The following LRIG2 variants were observed in gnomAD, a reference collection of about 807,000 sequenced individuals.
LRIG2 encodes the protein leucine-rich repeats and immunoglobulin-like domains protein 2.
Under a neutral mutation model 107.8 loss-of-function variants are expected in LRIG2, and 93 were observed. The observed-to-expected ratio is 0.86, with a 90% CI of 0.73 to 1.03. The LOEUF is 1.03. Ranked by LOEUF, LRIG2 falls within the 50% of genes least tolerant of loss-of-function variation. The pLI is 0.00. For synonymous variants in LRIG2, 471 were observed against 470.6 expected, an observed-to-expected ratio of 1.00 and a Z score of -0.01; for missense variants, 1,226 against 1,296.0, an observed-to-expected ratio of 0.95 and a Z score of 0.83.
chr1:113,094,985 T>TA (rs879556717), intron 6 of LRIG2, among the ~76,000 whole-genome samples: 2,080 of 22,078 alleles, frequency 0.094, 48 homozygotes, highest in Admixed American at 0.35. Flanking sequence ...TATATATATA[T>TA]TTTTTTTGAG....
intron 1 of LRIG2, among the ~76,000 whole-genome samples, chr1:113,081,549 T>A (rs1238811018): frequency 2.0e-5 from 3 of 152,136 alleles, no homozygotes. Context: ...AGTCTCGATC[T>A]CTTGACCTCG....
chr1:113,091,435 A>G, intron 2 of LRIG2, 52 bp downstream of exon 2: 1 of 1,188,896 alleles, frequency 8.4e-7, no homozygotes, highest in Non-Finnish European at 1.2e-6. Flanking sequence ...AGGGAACTTA[A>G]TAAATTGTGA....
chr1:113,093,137 C>T, intron 2 of LRIG2, 69 bp from the exon 3 acceptor site: 1 of 962,750 alleles, frequency 1.0e-6, no homozygotes, highest in Non-Finnish European at 1.6e-6. Flanking sequence ...ATGTGTTAGC[C>T]AGAAGGTAGA....
intron 1 of LRIG2, among the ~76,000 whole-genome samples, chr1:113,089,994 CTTTTTT>C (rs531111261): frequency 7.0e-6 from 1 of 143,626 alleles, no homozygotes; most frequent in East Asian, 2.0e-4. Flanking sequence ...TATGCCTGGC[CTTTTTT>C]TTTTTTAAAG....
At chr1:113,117,588 A>ATTC (rs34656473) in intron 16 of LRIG2, among the ~76,000 whole-genome samples, 2,277 of 152,040 alleles carry the variant, frequency 0.015, 25 homozygotes, top group Non-Finnish European at 0.024. Context: ...GGTTCAAGCG[A>ATTC]TTCCTCTGCC....
chr1:113,094,643 G>T lies in LRIG2; in HGVS notation c.691G>T (p.Glu231Ter). Residue 231 changes from glutamate (E) to a stop codon, truncating the protein, a stop_gained, in exon 6 of 18, where the codon GAA (glutamate) becomes TAA (stop). Transcript: ENST00000361127. LOFTEE classifies it high-confidence loss of function. ...ELKRNRIKIV[E>*]GLTFQGLDSL... Reference sequence around the variant, plus strand: ...TAAAAGAAACAGAATTAAAATTGTGGAAGGTCTTACATTCCAAGGGCTTGA... The same window carrying T: ...TAAAAGAAACAGAATTAAAATTGTGTAAGGTCTTACATTCCAAGGGCTTGA... 6.2e-7 allele frequency: 1 copy of T among 1,613,134 alleles called. No individual in the cohort carries two copies. The highest frequency in any genetic ancestry group is 2.2e-5 in the East Asian group (1 of 44,856).
chr1:113,116,502 A>G (rs1386286162), intron 16 of LRIG2, 66 bp downstream of exon 16: 7 of 1,416,404 alleles, frequency 4.9e-6, no homozygotes, highest in Non-Finnish European at 6.7e-6. Flanking sequence ...TTCAGTGTGT[A>G]GTTTCTCCAT....
chr1:113,078,868 A>C (rs1241617191), intron 1 of LRIG2, among the ~76,000 whole-genome samples: 2 of 150,356 alleles, frequency 1.3e-5, no homozygotes, highest in African/African-American at 4.9e-5. Flanking sequence ...TCAAACTCCC[A>C]ACCTCAGGTG....
At chr1:113,087,244 C>T (rs980555757) in intron 1 of LRIG2, among the ~76,000 whole-genome samples, 4 of 152,224 alleles carry the variant, frequency 2.6e-5, no homozygotes, top group Non-Finnish European at 4.4e-5. Context: ...AATTAATGGA[C>T]ATTGGGAAGA....
At chr1:113,122,287 A>G (rs982945969) in intron 17 of LRIG2, among the ~76,000 whole-genome samples, 8 of 151,768 alleles carry the variant, frequency 5.3e-5, no homozygotes, top group Non-Finnish European at 1.0e-4. Flanking sequence ...GGGTTTCACC[A>G]TGTTGGCCAG....
rs59848515 is a variant in LRIG2 at position 113,127,569 on chromosome 1, ATT to A, written c.*3480_*3481del. 4.8e-5 allele frequency: 6 copies of A among 125,912 alleles called. No homozygotes were observed. The highest frequency in any genetic ancestry group is 5.1e-5 in the Non-Finnish European group (3 of 59,244). 7.8% of individuals were successfully genotyped at this position (125,912 alleles called of 1,614,324 possible). On this transcript the variant is annotated 3_prime_UTR_variant, in exon 18 of 18. Coordinates refer to ENST00000361127, the MANE Select transcript of LRIG2 (RefSeq NM_014813.3). ...ACTGTAAAGCCTTGTAGTGGTCCTT[ATT>A]TTTTTTTTTTTGAGACGGAGTCTCG... is the stretch of plus-strand genomic sequence containing the variant.
rs1480431532 is a variant in LRIG2 at position 113,110,291 on chromosome 1, T to C, written c.1527T>C (p.Ala509=). The C allele has an allele frequency of 2.5e-6, 4 of 1,613,976 alleles. No individual in the cohort carries two copies. The highest frequency in any genetic ancestry group is 3.4e-6 in the Non-Finnish European group (4 of 1,179,994). The change falls in exon 13 of 18, where the codon GCT becomes GCC. Residue 509 remains alanine, a synonymous_variant. Transcript: ENST00000361127. ...QIRTHPETII[A]LRGMNVTLTC... ...GGACACATCCTGAAACCATAATTGC[T>C]CTAAGAGGCATGAATGTGACTCTGA...
chr1:113,094,813 G>A (rs1653980171), intron 6 of LRIG2, 58 bp downstream of exon 6: 2 of 1,528,218 alleles, frequency 1.3e-6, no homozygotes, highest in Non-Finnish European at 1.8e-6. Flanking sequence ...GGACTTTTCA[G>A]TGTCGAATGG....
Position 113,131,270 on chromosome 1 carries a change from G to C in LRIG2, c.*7169G>C, listed in dbSNP as rs1242963481. 2 of 152,126 alleles carry C rather than the reference G, an allele frequency of 1.3e-5. No individual in the cohort carries two copies. The highest frequency in any genetic ancestry group is 4.8e-5 in the African/African-American group (2 of 41,422). The allele number at this position is 152,126 out of a possible 1,614,324, so 9.4% of individuals were successfully genotyped here. A position where few individuals can be genotyped will look rare whatever the true frequency, so the allele number is the denominator to read the frequency against. ...TTTTTATTCTTGTTTCTTCTTATCTGTGGGACTCCAATTAGAATGGGGTTG... is the reference window on the plus strand; with the variant it reads ...TTTTTATTCTTGTTTCTTCTTATCTCTGGGACTCCAATTAGAATGGGGTTG... On this transcript the variant is annotated 3_prime_UTR_variant, in exon 18 of 18. Coordinates refer to ENST00000361127, the MANE Select transcript of LRIG2 (RefSeq NM_014813.3).
chr1:113,114,295 T>G, intron 14 of LRIG2, 132 bp from the exon 15 acceptor site: 1 of 583,448 alleles, frequency 1.7e-6, no homozygotes, highest in Non-Finnish European at 2.9e-6. Flanking sequence ...TCTGAAACAT[T>G]AACTTCTAAT....
chr1:113,117,186 C>CAG (rs1466567456), intron 16 of LRIG2, among the ~76,000 whole-genome samples: 8 of 152,180 alleles, frequency 5.3e-5, no homozygotes, highest in Non-Finnish European at 1.0e-4. Flanking sequence ...AATTAAGGGA[C>CAG]AGAAGAATTG....
rs1363919709 is a variant in LRIG2, at chr1:113,109,301, A to G, written c.1478-941A>G. 6.6e-5 allele frequency among the ~76,000 whole-genome samples: 10 copies of G among 152,346 alleles called. No individual in the cohort carries two copies. In the South Asian group the frequency reaches 2.1e-3, roughly 32 times the overall value. ...ATACCTGCTTCTCTCAATCAGTCCAATAACATTATTAATTATGAATCCATA... is the reference window on the plus strand; with the variant it reads ...ATACCTGCTTCTCTCAATCAGTCCAGTAACATTATTAATTATGAATCCATA... On this transcript the variant is annotated intron_variant, in intron 12 of 17. Coordinates refer to ENST00000361127, the MANE Select transcript of LRIG2 (RefSeq NM_014813.3).
chr1:113,107,131 C>G (rs1654573645), intron 11 of LRIG2, among the ~76,000 whole-genome samples: 1 of 152,094 alleles, frequency 6.6e-6, no homozygotes, highest in African/African-American at 2.4e-5. Flanking sequence ...AAAGTTGCAG[C>G]CATGGTGACA....
chr1:113,130,608 T>A lies in LRIG2; in HGVS notation c.*6507T>A, dbSNP rs977621204. 10 of 152,218 alleles carry A rather than the reference T, an allele frequency of 6.6e-5. No individual in the cohort carries two copies. The highest frequency in any genetic ancestry group is 2.4e-4 in the African/African-American group (10 of 41,464). 9.4% of individuals were successfully genotyped at this position (152,218 alleles called of 1,614,324 possible). A position where few individuals can be genotyped will look rare whatever the true frequency, so the allele number is the denominator to read the frequency against. On this transcript the variant is annotated 3_prime_UTR_variant, in exon 18 of 18. Coordinates refer to ENST00000361127, the MANE Select transcript of LRIG2 (RefSeq NM_014813.3). ...ATCTGTTAATAGTGTTTAAGAGATT[T>A]CTTCATTGAGATGGAATATGGGCAA...
Sources: allele counts gnomAD v4.1 joint callset (sites outside exome capture counted in the v4.1 genomes callset), GRCh38; gene constraint gnomAD v4.1.1; transcripts MANE v1.5; gene names NCBI Gene and HGNC (gene_info 2026-07-23, HGNC 2026-07-21).